PAN3: variants seen among roughly 807,000 people sequenced by gnomAD.
The protein encoded by PAN3 is PAN2-PAN3 deadenylation complex subunit PAN3.
A neutral mutation model predicts 96.2 loss-of-function variants in PAN3; 19 were observed. The ratio of observed to expected loss-of-function variants is 0.20; its 90% confidence interval spans 0.14 to 0.29. The LOEUF (loss-of-function observed/expected upper bound fraction) is 0.29, where lower values mean the gene tolerates loss of function less well. PAN3 is among the 10% of genes least tolerant of loss of function. PAN3 has a pLI of 1.00. For missense variants in PAN3, 882 were observed against 1,108.1 expected (o/e 0.80, Z 2.90); for synonymous variants, 433 against 406.6 (o/e 1.06, Z -0.78).
intron 6 of PAN3, among the ~76,000 whole-genome samples, chr13:28,233,765 A>G (rs1196326359): frequency 6.6e-6 from 1 of 152,218 alleles, no homozygotes; most frequent in Admixed American, 6.5e-5. Flanking sequence ...TTCACTGGCA[A>G]ATATCAGGTT....
Position 28,204,480 on chromosome 13 carries a change from ATC to A in PAN3, c.852+7137_852+7138del. Among the ~76,000 whole-genome samples, 4 of 152,286 alleles carry A rather than the reference ATC, an allele frequency of 2.6e-5. 1 individual carries two copies. The East Asian group carries it at 7.7e-4, about 29-fold the overall frequency. On this transcript the variant is annotated intron_variant, in intron 5 of 18. Transcript: ENST00000380958. ...TTGTCCAGTTTTACCTTATCACCTT[ATC>A]TCCTAAAGTTGATGTTTGTTTATAT...
At chr13:28,144,277 C>T (rs1418033027) in intron 1 of PAN3, among the ~76,000 whole-genome samples, 2 of 136,492 alleles carry the variant, frequency 1.5e-5, no homozygotes, top group East Asian at 2.2e-4. Flanking sequence ...AGTGCAGTGG[C>T]GCAGTCTCGG....
At chr13:28,250,575 C>G (rs991550795) in intron 6 of PAN3, among the ~76,000 whole-genome samples, 4 of 152,172 alleles carry the variant, frequency 2.6e-5, no homozygotes, top group African/African-American at 7.2e-5. Context: ...GCATGTTGGC[C>G]AGGCTGGTCT....
At chr13:28,206,709 T>G (rs1290128309) in intron 5 of PAN3, among the ~76,000 whole-genome samples, 1 of 151,880 alleles carries the variant, frequency 6.6e-6, no homozygotes, top group Non-Finnish European at 1.5e-5. Context: ...AAACTTTTAT[T>G]TTCTTAGCTC....
At chr13:28,191,096 C>T (rs555145633) in intron 4 of PAN3, among the ~76,000 whole-genome samples, 76 of 152,186 alleles carry the variant, frequency 5.0e-4, no homozygotes, top group African/African-American at 1.8e-3. Context: ...TCTAGAAGCT[C>T]GGAAGGGAAG....
chr13:28,161,344 G>C (rs1872859848), intron 1 of PAN3, among the ~76,000 whole-genome samples: 1 of 152,074 alleles, frequency 6.6e-6, no homozygotes, highest in Non-Finnish European at 1.5e-5. Flanking sequence ...TTGGTTTGCT[G>C]ACAATCTTGG....
intron 16 of PAN3, 115 bp downstream of exon 16, chr13:28,280,656 G>A: frequency 1.0e-6 from 1 of 962,906 alleles, no homozygotes; most frequent in East Asian, 2.9e-5. Flanking sequence ...CTGCCTCCTG[G>A]GTTCAAGCGA....
intron 8 of PAN3, among the ~76,000 whole-genome samples, chr13:28,260,984 A>G (rs1237246727): frequency 6.6e-6 from 1 of 152,168 alleles, no homozygotes; most frequent in African/African-American, 2.4e-5. Context: ...ATTTTTGGTA[A>G]ACAGCTAGTT....
intron 1 of PAN3, among the ~76,000 whole-genome samples, chr13:28,168,904 G>A (rs1355175383): frequency 6.6e-6 from 1 of 151,594 alleles, no homozygotes; most frequent in Non-Finnish European, 1.5e-5. Context: ...TGTAGTCTCA[G>A]CTACTCTGGA....
chr13:28,255,973 C>G (rs1885105887), intron 6 of PAN3, among the ~76,000 whole-genome samples: 1 of 152,164 alleles, frequency 6.6e-6, no homozygotes, highest in Admixed American at 6.5e-5. Flanking sequence ...TTACTTCCCA[C>G]TCTTCCATTA....
At chr13:28,161,806 G>A (rs1324103047) in intron 1 of PAN3, among the ~76,000 whole-genome samples, 1 of 152,142 alleles carries the variant, frequency 6.6e-6, no homozygotes, top group Admixed American at 6.5e-5. Context: ...TTTTTCCTTG[G>A]TTTGTGAACT....
chr13:28,185,049 T>C (rs895889471), intron 4 of PAN3, among the ~76,000 whole-genome samples: 7 of 152,182 alleles, frequency 4.6e-5, no homozygotes, highest in African/African-American at 9.6e-5. Context: ...ATCTCTGCTC[T>C]AATGAGTTAG....
In PAN3 at chr13:28,168,307, C is replaced by A. The variant is rs75440691; in HGVS notation, c.431-5965C>A. The stretch of plus-strand genomic sequence containing the variant: ...CAAAAATTGAAAATCTTCCAGTGAG[C>A]ATTTCCTTTGAGCATCATTGGCACT... On this transcript the variant is annotated intron_variant, in intron 1 of 18. Coordinates refer to ENST00000380958, the MANE Select transcript of PAN3 (RefSeq NM_175854.8). Among the ~76,000 whole-genome samples the A allele has an allele frequency of 3.7e-4, 56 of 152,318 alleles. No individual in the cohort carries two copies. The East Asian group carries it at 9.2e-3, about 25-fold the overall frequency.
intron 5 of PAN3, among the ~76,000 whole-genome samples, chr13:28,203,482 A>T (rs566330241): frequency 5.3e-5 from 8 of 151,198 alleles, no homozygotes; most frequent in Non-Finnish European, 1.0e-4. Context: ...TTTTCTTTGT[A>T]TTTTTTTGTA....
intron 4 of PAN3, among the ~76,000 whole-genome samples, chr13:28,188,298 TTAAA>T (rs1291161856): frequency 6.6e-6 from 1 of 152,212 alleles, no homozygotes; most frequent in Non-Finnish European, 1.5e-5. Flanking sequence ...TTTCTGTTCA[TTAAA>T]TATCCTGATA....
chr13:28,156,483 T>C (rs2138002103), intron 1 of PAN3, among the ~76,000 whole-genome samples: 1 of 152,186 alleles, frequency 6.6e-6, no homozygotes, highest in Admixed American at 6.5e-5. Context: ...GACATATTAA[T>C]ATAAAGAGCT....
intron 1 of PAN3, among the ~76,000 whole-genome samples, chr13:28,169,222 C>CTTTTTTTTTT (rs202200725): frequency 3.3e-4 from 25 of 74,990 alleles, no homozygotes; most frequent in African/African-American, 6.2e-4. Flanking sequence ...TTTTTGTTTG[C>CTTTTTTTTTT]TTTTTTTTTT....
At chr13:28,283,228 T>C (rs1156879543) in intron 17 of PAN3, among the ~76,000 whole-genome samples, 2 of 152,238 alleles carry the variant, frequency 1.3e-5, no homozygotes, top group East Asian at 3.9e-4. Flanking sequence ...TTTGTATTTT[T>C]GGTAGAGACA....
intron 6 of PAN3, among the ~76,000 whole-genome samples, chr13:28,230,400 A>G (rs1340557318): frequency 1.3e-5 from 2 of 152,086 alleles, no homozygotes; most frequent in African/African-American, 4.8e-5. Context: ...AAAACCCTCA[A>G]GCAGAGTTCC....
Sources: allele counts gnomAD v4.1 joint callset (sites outside exome capture counted in the v4.1 genomes callset), GRCh38; gene constraint gnomAD v4.1.1; transcripts MANE v1.5; gene names NCBI Gene and HGNC (gene_info 2026-07-23, HGNC 2026-07-21).